Variants in TMEM45A observed in about 807,000 individuals in gnomAD.
TMEM45A encodes the protein transmembrane protein 45A, also known as DNA polymerase-transactivated protein 4.
Under a neutral mutation model 32.0 loss-of-function variants are expected in TMEM45A, and 25 were observed. The observed-to-expected ratio is 0.78, with a 90% confidence interval of 0.57 to 1.09. The LOEUF (loss-of-function observed/expected upper bound fraction) is 1.09. Among genes scored for constraint, TMEM45A ranks in the 50% least tolerant of loss-of-function variants. The pLI is 0.00. For synonymous variants in TMEM45A, 122 were observed against 114.8 expected, an observed-to-expected ratio of 1.06 and a Z score of -0.40; for missense variants, 302 against 325.0, an observed-to-expected ratio of 0.93 and a Z score of 0.54.
At chr3:100,565,029 A>G (rs1372856359) in intron 4 of TMEM45A, among the ~76,000 whole-genome samples, 1 of 152,198 alleles carries the variant, frequency 6.6e-6, no homozygotes, top group African/African-American at 2.4e-5. Context: ...TATGGTGAAA[A>G]GAGTATGGGT....
chr3:100,508,247 G>A (rs892662843), intron 1 of TMEM45A, among the ~76,000 whole-genome samples: 1 of 152,018 alleles, frequency 6.6e-6, no homozygotes, highest in Non-Finnish European at 1.5e-5. Context: ...TCTCAGAGAG[G>A]GATTTCACCA....
intron 1 of TMEM45A, among the ~76,000 whole-genome samples, chr3:100,551,304 C>A (rs947026220): frequency 2.2e-4 from 34 of 152,078 alleles, no homozygotes; most frequent in African/African-American, 6.8e-4. Flanking sequence ...TGAGCCACTG[C>A]GCCCGGCCGA....
intron 1 of TMEM45A, among the ~76,000 whole-genome samples, chr3:100,502,416 T>C (rs1444055491): frequency 6.6e-6 from 1 of 152,162 alleles, no homozygotes; most frequent in African/African-American, 2.4e-5. Context: ...TACATCATAA[T>C]AAGAAATGCA....
chr3:100,504,097 G>A (rs1040746663), intron 1 of TMEM45A, among the ~76,000 whole-genome samples: 4 of 152,100 alleles, frequency 2.6e-5, no homozygotes, highest in African/African-American at 9.7e-5. Flanking sequence ...GATCCTGGGA[G>A]AGAGAAACAC....
rs73860673 is a variant in TMEM45A, at chr3:100,496,434, A to G, written c.-4+3506A>G. Among the ~76,000 whole-genome samples the G allele has an allele frequency of 8.6e-3, 1,312 of 152,326 alleles. 23 individuals are homozygous for G. The highest frequency in any genetic ancestry group is 0.03 in the African/African-American group (1,249 of 41,562). On this transcript the variant is annotated intron_variant, in intron 1 of 5. Coordinates refer to ENST00000323523, the MANE Select transcript of TMEM45A (RefSeq NM_018004.3). ...TTTGCCCAAGATTACACAGTGAACA[A>G]GTGGCAGGTGTAGAACCAGTCTAAC... is the stretch of plus-strand genomic sequence containing the variant.
At chr3:100,527,297 A>G (rs1023855798) in intron 1 of TMEM45A, among the ~76,000 whole-genome samples, 3 of 152,272 alleles carry the variant, frequency 2.0e-5, no homozygotes, top group African/African-American at 7.2e-5. Flanking sequence ...ATGACAAGAC[A>G]AGAAACAAAA....
At chr3:100,558,753 G>A (rs1396581113) in intron 4 of TMEM45A, among the ~76,000 whole-genome samples, 164 bp downstream of exon 4, 2 of 152,200 alleles carry the variant, frequency 1.3e-5, no homozygotes, top group East Asian at 3.8e-4. Context: ...CAATAGCCCT[G>A]ATGGGAGAAT....
At chr3:100,512,876 A>C (rs1464263571) in intron 1 of TMEM45A, among the ~76,000 whole-genome samples, 1 of 152,154 alleles carries the variant, frequency 6.6e-6, no homozygotes, top group Non-Finnish European at 1.5e-5. Context: ...AAAATCTAGA[A>C]GAAATGGATA....
At chr3:100,510,161 G>A (rs562142416) in intron 1 of TMEM45A, among the ~76,000 whole-genome samples, 1 of 152,320 alleles carries the variant, frequency 6.6e-6, no homozygotes, top group Non-Finnish European at 1.5e-5. Context: ...CCACCTCTGG[G>A]GGCAGGGCAC....
intron 1 of TMEM45A, among the ~76,000 whole-genome samples, chr3:100,529,474 G>A (rs1338266943): frequency 2.0e-5 from 3 of 152,188 alleles, no homozygotes; most frequent in Non-Finnish European, 4.4e-5. Flanking sequence ...GGATGTGCAA[G>A]CGCTGTGGGG....
intron 1 of TMEM45A, among the ~76,000 whole-genome samples, chr3:100,514,424 T>C (rs1708225206): frequency 6.6e-6 from 1 of 152,150 alleles, no homozygotes; most frequent in African/African-American, 2.4e-5. Context: ...GCTAGCCATA[T>C]GTAGAAAGCT....
intron 4 of TMEM45A, among the ~76,000 whole-genome samples, chr3:100,568,333 TCTTAA>T (rs1284312439): frequency 2.6e-5 from 4 of 152,228 alleles, no homozygotes; most frequent in African/African-American, 9.6e-5. Flanking sequence ...TCTAGCTAAA[TCTTAA>T]CTTAATTGCT....
At chr3:100,539,399 A>G (rs1204667260) in intron 1 of TMEM45A, among the ~76,000 whole-genome samples, 2 of 148,070 alleles carry the variant, frequency 1.4e-5, no homozygotes, top group Non-Finnish European at 3.0e-5. Flanking sequence ...TGCCCACAGT[A>G]TTAGGGTTCT....
intron 4 of TMEM45A, among the ~76,000 whole-genome samples, chr3:100,561,407 C>T (rs781615011): frequency 5.3e-5 from 8 of 151,992 alleles, no homozygotes; most frequent in African/African-American, 1.2e-4. Context: ...CTCTTGGAAC[C>T]GTAAGTATGG....
intron 1 of TMEM45A, among the ~76,000 whole-genome samples, chr3:100,505,993 A>G (rs190453263): frequency 6.6e-6 from 1 of 152,190 alleles, no homozygotes; most frequent in African/African-American, 2.4e-5. Flanking sequence ...ATGGAGAGAG[A>G]GGACCCCGAT....
intron 1 of TMEM45A, among the ~76,000 whole-genome samples, chr3:100,543,153 T>G (rs1705920284): frequency 6.6e-6 from 1 of 152,220 alleles, no homozygotes; most frequent in African/African-American, 2.4e-5. Flanking sequence ...CATTCCTGTT[T>G]GTAAATATAG....
chr3:100,522,929 C>A (rs1705462608), intron 1 of TMEM45A, among the ~76,000 whole-genome samples: 1 of 152,150 alleles, frequency 6.6e-6, no homozygotes, highest in Admixed American at 6.5e-5. Flanking sequence ...TGTGGTTGCG[C>A]CCATTGCTTG....
chr3:100,520,717 G>T (rs979650397), intron 1 of TMEM45A, among the ~76,000 whole-genome samples: 3 of 152,154 alleles, frequency 2.0e-5, no homozygotes, highest in Non-Finnish European at 4.4e-5. Context: ...GGCACGGGTT[G>T]CCAACCTAAC....
At chr3:100,543,140 A>T (rs754834046) in intron 1 of TMEM45A, among the ~76,000 whole-genome samples, 3 of 152,220 alleles carry the variant, frequency 2.0e-5, no homozygotes, top group Non-Finnish European at 4.4e-5. Flanking sequence ...TGGTTTCAAA[A>T]TTCATTCCTG....
Sources: gnomAD v4.1 joint callset for allele counts (sites outside exome capture counted in the v4.1 genomes callset) on GRCh38, gnomAD v4.1.1 for gene constraint, MANE v1.5 for transcripts, NCBI Gene and HGNC (gene_info 2026-07-23, HGNC 2026-07-21) for gene names.